Variants in BANP observed in about 807,000 individuals in gnomAD.
The protein encoded by BANP is BTG3 associated nuclear protein.
Under a neutral mutation model 68.1 loss-of-function variants are expected in BANP, and 11 were observed. The ratio of observed to expected loss-of-function variants is 0.16; its 90% confidence interval spans 0.10 to 0.27. The LOEUF is 0.27. Among genes scored for constraint, BANP ranks in the 10% least tolerant of loss-of-function variants. BANP has a pLI of 1.00. For synonymous variants in BANP, 329 were observed against 303.2 expected, an observed-to-expected ratio of 1.09 and a Z score of -0.88; for missense variants, 504 against 722.7, an observed-to-expected ratio of 0.70 and a Z score of 3.47.
chr16:87,960,171 G>A (rs1209921541), intron 1 of BANP, among the ~76,000 whole-genome samples: 1 of 152,188 alleles, frequency 6.6e-6, no homozygotes. Flanking sequence ...GAGGCCCCGC[G>A]GACCGTGAGG....
chr16:87,962,182 G>A (rs1191236657), intron 1 of BANP, among the ~76,000 whole-genome samples: 3 of 142,590 alleles, frequency 2.1e-5, no homozygotes, highest in African/African-American at 7.8e-5. Flanking sequence ...GGAGGTTGCA[G>A]TGAGCCGAGA....
chr16:88,045,190 G>A (rs1431181817), intron 11 of BANP, among the ~76,000 whole-genome samples: 1 of 152,160 alleles, frequency 6.6e-6, no homozygotes, highest in African/African-American at 2.4e-5. Context: ...GGAAAATTAG[G>A]ATTATCCGTG....
chr16:88,046,927 G>A (rs1281317472), intron 11 of BANP, among the ~76,000 whole-genome samples: 1 of 151,932 alleles, frequency 6.6e-6, no homozygotes, highest in South Asian at 2.1e-4. Flanking sequence ...TTAGCCGGAC[G>A]TGGGGGTGGG....
intron 9 of BANP, among the ~76,000 whole-genome samples, chr16:88,033,846 A>G (rs1436771114): frequency 6.6e-6 from 1 of 152,184 alleles, no homozygotes; most frequent in Non-Finnish European, 1.5e-5. Flanking sequence ...TCCCGGGTGA[A>G]GTCCCTCTAC....
intron 11 of BANP, among the ~76,000 whole-genome samples, chr16:88,045,730 T>C (rs950549172): frequency 2.1e-5 from 3 of 141,898 alleles, no homozygotes; most frequent in Non-Finnish European, 4.5e-5. Context: ...AATACTCTTC[T>C]TGGCCACAGA....
chr16:88,026,739 C>G (rs553550138), intron 7 of BANP, among the ~76,000 whole-genome samples: 25 of 151,008 alleles, frequency 1.7e-4, no homozygotes, highest in Non-Finnish European at 3.5e-4. Context: ...ATACATACTT[C>G]AATTCTCCAA....
At chr16:88,030,844 C>G (rs2078018408) in intron 8 of BANP, among the ~76,000 whole-genome samples, 1 of 152,148 alleles carries the variant, frequency 6.6e-6, no homozygotes, top group Non-Finnish European at 1.5e-5. Flanking sequence ...GAGAAGCTGT[C>G]CAGGGACAGA....
intron 4 of BANP, among the ~76,000 whole-genome samples, chr16:87,996,159 C>T (rs775570358): frequency 6.6e-6 from 1 of 152,180 alleles, no homozygotes; most frequent in Non-Finnish European, 1.5e-5. Context: ...CAGCCACCGA[C>T]GGCGGTGTCT....
intron 1 of BANP, among the ~76,000 whole-genome samples, chr16:87,959,262 C>A (rs2058666575): frequency 6.6e-6 from 1 of 152,216 alleles, no homozygotes; most frequent in South Asian, 2.1e-4. Flanking sequence ...ATGTAATTTT[C>A]TCATCATGAA....
chr16:88,070,759 C>T (rs183113369), intron 12 of BANP, among the ~76,000 whole-genome samples: 21 of 152,270 alleles, frequency 1.4e-4, no homozygotes, highest in Middle Eastern at 3.4e-3. Flanking sequence ...TATTTTTTTG[C>T]ATTTTTTTCT....
chr16:88,063,623 G>C (rs986213077), intron 11 of BANP, among the ~76,000 whole-genome samples: 8 of 152,186 alleles, frequency 5.3e-5, no homozygotes, highest in African/African-American at 1.7e-4. Flanking sequence ...ACGAGTTTCA[G>C]ATCCGATCAC....
In BANP at chr16:87,955,227, C is replaced by G. The variant is rs113495809; in HGVS notation, c.-69+3712C>G. ...GGGAGGTTGTGTGTAGTGCGGTGGG[C>G]TCTGTCTGCCAGAGCCTTGCCAGCC... On this transcript the variant is annotated intron_variant, in intron 1 of 13. Coordinates refer to ENST00000682872, the MANE Select transcript of BANP (RefSeq NM_001386991.1). Among the ~76,000 whole-genome samples, 690 of 151,668 alleles carry G rather than the reference C, an allele frequency of 4.5e-3. 9 individuals are homozygous for G. Among genetic ancestry groups the G allele is most frequent in the African/African-American group, 0.016 (648 of 41,318 alleles).
At chr16:87,977,008 T>G (rs2062280081) in intron 2 of BANP, among the ~76,000 whole-genome samples, 1 of 152,250 alleles carries the variant, frequency 6.6e-6, no homozygotes, top group Non-Finnish European at 1.5e-5. Context: ...TAAATCTCTC[T>G]TTGTAGACTG....
chr16:87,995,700 A>G (rs1024672749), intron 4 of BANP, among the ~76,000 whole-genome samples: 1 of 152,230 alleles, frequency 6.6e-6, no homozygotes, highest in African/African-American at 2.4e-5. Context: ...TATACATCAG[A>G]TATCCTGATG....
intron 13 of BANP, among the ~76,000 whole-genome samples, chr16:88,074,964 G>C (rs778455397): frequency 1.3e-5 from 2 of 152,218 alleles, no homozygotes; most frequent in Non-Finnish European, 2.9e-5. Context: ...AGTGCTTTGT[G>C]AGGCCGAGGC....
At chr16:87,999,037 G>A (rs1394450381) in intron 4 of BANP, among the ~76,000 whole-genome samples, 1 of 130,404 alleles carries the variant, frequency 7.7e-6, no homozygotes, top group Non-Finnish European at 1.6e-5. Context: ...CACGTGTGCG[G>A]CTGTACTTAC....
intron 1 of BANP, among the ~76,000 whole-genome samples, chr16:87,973,406 A>G (rs1030519590): frequency 4.6e-5 from 7 of 152,174 alleles, no homozygotes; most frequent in African/African-American, 1.4e-4. Flanking sequence ...CCTTTACTCT[A>G]TAAAGGAAGA....
In BANP at chr16:88,064,213, G is replaced by A. The variant is rs1416652677; in HGVS notation, c.1312-1054G>A. Among the ~76,000 whole-genome samples, 1 of 151,966 alleles carries A rather than the reference G, an allele frequency of 6.6e-6. No individual in the cohort carries two copies. The highest frequency in any genetic ancestry group is 1.5e-5 in the Non-Finnish European group (1 of 67,976). The stretch of plus-strand genomic sequence containing the variant: ...TTGAGAGGCGCAGGGGAGCAGGGGG[G>A]GAGAGTGGACAGCGAGGCGGTGGAT... On this transcript the variant is annotated intron_variant, in intron 11 of 13. Coordinates refer to ENST00000682872, the MANE Select transcript of BANP (RefSeq NM_001386991.1). The surrounding 1 kb of genome is among the most constrained non-coding windows in gnomAD (Gnocchi z 4.5).
At chr16:88,008,663 C>A (rs1022218255) in intron 6 of BANP, among the ~76,000 whole-genome samples, 2 of 152,130 alleles carry the variant, frequency 1.3e-5, no homozygotes, top group Non-Finnish European at 1.5e-5. Context: ...TACAAATTTT[C>A]TTTGTGTCTG....
Sources: allele counts gnomAD v4.1 joint callset (sites outside exome capture counted in the v4.1 genomes callset), GRCh38; gene constraint gnomAD v4.1.1; non-coding constraint Gnocchi (gnomAD v3.1); transcripts MANE v1.5; gene names NCBI Gene and HGNC (gene_info 2026-07-23, HGNC 2026-07-21).